The following AK5 variants were observed in gnomAD, a reference collection of about 807,000 sequenced individuals.
The protein encoded by AK5 is adenylate kinase 5.
Under a neutral mutation model 69.5 loss-of-function variants are expected in AK5, and 27 were observed. The ratio of observed to expected loss-of-function variants is 0.39; its 90% confidence interval spans 0.29 to 0.54. The LOEUF (loss-of-function observed/expected upper bound fraction) is 0.54, where lower values mean the gene tolerates loss of function less well. Ranked by LOEUF, AK5 falls within the 20% of genes least tolerant of loss-of-function variation. AK5 has a pLI of 0.71. For synonymous variants in AK5, 260 were observed against 244.4 expected (o/e 1.06, Z -0.60); for missense variants, 531 against 700.4 (o/e 0.76, Z 2.73).
At chr1:77,522,062 AAC>A in intron 12 of AK5, 119 bp downstream of exon 12, 1 of 737,356 alleles carries the variant, frequency 1.4e-6, no homozygotes, top group South Asian at 2.2e-5. Flanking sequence ...AAGGGGCAGA[AAC>A]TTGACTCAAA....
chr1:77,457,943 G>T (rs935476381), intron 8 of AK5, among the ~76,000 whole-genome samples: 1 of 151,978 alleles, frequency 6.6e-6, no homozygotes, highest in African/African-American at 2.4e-5. Context: ...CTAAAGTCAA[G>T]ATGTCAACAG....
chr1:77,354,826 G>A (rs1468496717), intron 6 of AK5, among the ~76,000 whole-genome samples: 5 of 152,108 alleles, frequency 3.3e-5, no homozygotes, highest in Admixed American at 1.3e-4. Context: ...CACAATTGCT[G>A]TCAAGTTCAG....
chr1:77,524,122 T>C (rs1658145431), intron 12 of AK5, among the ~76,000 whole-genome samples: 1 of 152,228 alleles, frequency 6.6e-6, no homozygotes, highest in Non-Finnish European at 1.5e-5. Flanking sequence ...TTTCCTTCCT[T>C]TTCTGGGTCA....
chr1:77,496,868 C>A (rs753059831), intron 10 of AK5, among the ~76,000 whole-genome samples: 2 of 152,134 alleles, frequency 1.3e-5, no homozygotes, highest in Non-Finnish European at 2.9e-5. Flanking sequence ...ATGGACCAAT[C>A]AGCACTCTGT....
intron 8 of AK5, among the ~76,000 whole-genome samples, chr1:77,443,699 G>GTGTGTGTGTGTGTGTA (rs1652479893): frequency 6.6e-6 from 1 of 151,342 alleles, no homozygotes; most frequent in South Asian, 2.1e-4. Context: ...GTGTGTGTGT[G>GTGTGTGTGTGTGTGTA]TGTGTGTGTG....
chr1:77,409,079 C>A (rs1007523973), intron 6 of AK5, among the ~76,000 whole-genome samples: 1 of 152,204 alleles, frequency 6.6e-6, no homozygotes, highest in Non-Finnish European at 1.5e-5. Context: ...TGTGTTCCCA[C>A]AGAAGACATG....
At chr1:77,346,521 G>C in intron 6 of AK5, among the ~76,000 whole-genome samples, 1 of 152,148 alleles carries the variant, frequency 6.6e-6, no homozygotes, top group Admixed American at 6.6e-5. Flanking sequence ...GTGGGGGATA[G>C]GGTCTGGCTG....
At chr1:77,498,654 C>G (rs12093263) in intron 10 of AK5, among the ~76,000 whole-genome samples, 1 of 151,860 alleles carries the variant, frequency 6.6e-6, no homozygotes, top group South Asian at 2.1e-4. Flanking sequence ...CAGCAGGGCT[C>G]CTAGTGAATA....
At chr1:77,386,291 A>T (rs1648023801) in intron 6 of AK5, among the ~76,000 whole-genome samples, 1 of 152,184 alleles carries the variant, frequency 6.6e-6, no homozygotes, top group Admixed American at 6.5e-5. Flanking sequence ...ATAAGGCAAC[A>T]TATTCCAAAT....
At chr1:77,461,038 T>TC (rs1376052343) in intron 8 of AK5, among the ~76,000 whole-genome samples, 1 of 150,660 alleles carries the variant, frequency 6.6e-6, no homozygotes, top group East Asian at 2.0e-4. Context: ...GTGAAATTTT[T>TC]TTTTTTTTTT....
At chr1:77,525,359 A>G (rs1424157755) in intron 12 of AK5, among the ~76,000 whole-genome samples, 16 of 152,238 alleles carry the variant, frequency 1.1e-4, no homozygotes, top group African/African-American at 3.9e-4. Context: ...GCTATGAGGA[A>G]TACCTGAGGC....
At chr1:77,297,227 A>T (rs966456963) in intron 3 of AK5, among the ~76,000 whole-genome samples, 1 of 152,182 alleles carries the variant, frequency 6.6e-6, no homozygotes, top group Admixed American at 6.5e-5. Flanking sequence ...TTCTTTGATT[A>T]CAGAGGGAAA....
chr1:77,484,024 G>T (rs1655429168), intron 9 of AK5, among the ~76,000 whole-genome samples: 1 of 152,112 alleles, frequency 6.6e-6, no homozygotes, highest in Non-Finnish European at 1.5e-5. Flanking sequence ...ATTTAGAAAG[G>T]CATGGTGGTG....
At position 77,559,811 on chromosome 1, in the gene AK5, A is replaced by C. The variant is rs571257505; in HGVS notation, c.*1141A>C. 1 of 151,974 alleles carries C rather than the reference A, an allele frequency of 6.6e-6. No homozygotes were observed. The highest frequency in any genetic ancestry group is 2.4e-5 in the African/African-American group (1 of 41,292). 9.4% of individuals were successfully genotyped at this position (151,974 alleles called of 1,614,324 possible). A position where few individuals can be genotyped will look rare whatever the true frequency, so the allele number is the denominator to read the frequency against. On this transcript the variant is annotated 3_prime_UTR_variant, in exon 14 of 14. Coordinates refer to ENST00000354567, the MANE Select transcript of AK5 (RefSeq NM_174858.3). ...GAATAACTGCATCTTCCACTCAGTC[A>C]CTACAAAAAAGCATAGTTTCAGTTT...
chr1:77,444,278 CACAACATATGTGT>C (rs1652549087), intron 8 of AK5, among the ~76,000 whole-genome samples: 1 of 42,684 alleles, frequency 2.3e-5, no homozygotes, highest in Non-Finnish European at 4.7e-5. Flanking sequence ...AGTATATATA[CACAACATATGTGT>C]ATATATATAG....
At chr1:77,356,373 C>T (rs1173861185) in intron 6 of AK5, among the ~76,000 whole-genome samples, 1 of 152,088 alleles carries the variant, frequency 6.6e-6, no homozygotes, top group Admixed American at 6.5e-5. Context: ...GATTTGGAAA[C>T]ATAAAGAGAA....
intron 6 of AK5, among the ~76,000 whole-genome samples, chr1:77,402,301 T>C (rs1649269371): frequency 6.6e-6 from 1 of 152,010 alleles, no homozygotes; most frequent in Admixed American, 6.6e-5. Flanking sequence ...TTATTATTAT[T>C]ATTATTATTG....
chr1:77,538,623 C>T (rs1347063745), intron 13 of AK5, among the ~76,000 whole-genome samples: 3 of 151,698 alleles, frequency 2.0e-5, no homozygotes, highest in African/African-American at 4.9e-5. Context: ...GCACTCCAGC[C>T]TGGGTGACAG....
At chr1:77,555,832 A>G (rs1469926476) in intron 13 of AK5, among the ~76,000 whole-genome samples, 3 of 152,262 alleles carry the variant, frequency 2.0e-5, no homozygotes, top group Non-Finnish European at 2.9e-5. Flanking sequence ...AAACAGGACC[A>G]TTGTTTCTCG....
Sources: allele counts gnomAD v4.1 joint callset (sites outside exome capture counted in the v4.1 genomes callset), GRCh38; gene constraint gnomAD v4.1.1; transcripts MANE v1.5; gene names NCBI Gene and HGNC (gene_info 2026-07-23, HGNC 2026-07-21).